The following NHSL1 variants were observed in gnomAD, a reference collection of about 807,000 sequenced individuals.
The protein encoded by NHSL1 is NHS-like protein 1.
NHSL1 carries 48 observed loss-of-function variants against 95.0 expected under a neutral mutation model. The observed-to-expected ratio is 0.51, with a 90% CI of 0.40 to 0.64. The LOEUF (loss-of-function observed/expected upper bound fraction) is 0.64, where lower values mean the gene tolerates loss of function less well. NHSL1 is among the 30% of genes least tolerant of loss of function. The probability of loss-of-function intolerance (pLI) is 0.00; values close to 1 mark genes in which losing one functional copy is unlikely to be tolerated. For missense variants in NHSL1, 1,971 were observed against 2,077.7 expected, an observed-to-expected ratio of 0.95 and a Z score of 1.00; for synonymous variants, 783 against 833.9, an observed-to-expected ratio of 0.94 and a Z score of 1.05.
At chr6:138,461,770 G>A (rs1429962644) in intron 3 of NHSL1, among the ~76,000 whole-genome samples, 1 of 152,188 alleles carries the variant, frequency 6.6e-6, no homozygotes, top group Admixed American at 6.5e-5. Flanking sequence ...GTAGAAATTT[G>A]AGGGGGATGA....
At chr6:138,602,930 C>A (rs1056737088) in intron 1 of NHSL1, among the ~76,000 whole-genome samples, 1 of 152,188 alleles carries the variant, frequency 6.6e-6, no homozygotes, top group Admixed American at 6.5e-5. Context: ...CCGGACAGTT[C>A]ATAAATCTAA....
intron 2 of NHSL1, among the ~76,000 whole-genome samples, chr6:138,489,951 AAGGAGAGAGGGAGAGGGGGAGAGG>A (rs1779970210): frequency 2.1e-5 from 1 of 47,852 alleles, no homozygotes; most frequent in Non-Finnish European, 3.7e-5. Flanking sequence ...AGAGGGAGAG[AAGGAGAGAGGGAGAGGGGGAGAGG>A]GGGAGAGGGG....
intron 1 of NHSL1, among the ~76,000 whole-genome samples, chr6:138,685,955 A>G (rs1301498784): frequency 6.6e-6 from 1 of 152,168 alleles, no homozygotes. Context: ...TCCACTTCAT[A>G]TAGTATTATC....
At chr6:138,668,559 T>C (rs1048956097) in intron 1 of NHSL1, among the ~76,000 whole-genome samples, 2 of 151,716 alleles carry the variant, frequency 1.3e-5, no homozygotes, top group Non-Finnish European at 2.9e-5. Context: ...TATCTGTCAA[T>C]TAAAAATGAA....
chr6:138,645,561 G>A (rs1785009300), intron 1 of NHSL1, among the ~76,000 whole-genome samples: 1 of 148,876 alleles, frequency 6.7e-6, no homozygotes, highest in South Asian at 2.1e-4. Flanking sequence ...AGGCTGGAGT[G>A]CAGCAGTGTG....
intron 5 of NHSL1, among the ~76,000 whole-genome samples, 162 bp downstream of exon 5, chr6:138,441,821 T>G (rs1338915260): frequency 1.3e-5 from 2 of 152,198 alleles, no homozygotes; most frequent in Non-Finnish European, 2.9e-5. Flanking sequence ...CCATGGGATG[T>G]TAAGATTTGC....
At chr6:138,649,573 C>T (rs902525142) in intron 1 of NHSL1, among the ~76,000 whole-genome samples, 2 of 152,042 alleles carry the variant, frequency 1.3e-5, no homozygotes, top group East Asian at 1.9e-4. Flanking sequence ...CACAACTGCA[C>T]AGGTAACCAG....
At chr6:138,483,106 G>A (rs529112453) in intron 2 of NHSL1, among the ~76,000 whole-genome samples, 130 of 152,326 alleles carry the variant, frequency 8.5e-4, no homozygotes, top group Admixed American at 1.4e-3. Flanking sequence ...CTAAAGAGAA[G>A]TAGAAATAAA....
chr6:138,603,879 G>A (rs1417130659), intron 1 of NHSL1, among the ~76,000 whole-genome samples: 1 of 152,162 alleles, frequency 6.6e-6, no homozygotes, highest in African/African-American at 2.4e-5. Context: ...GAGAGAATGT[G>A]TAAAACATAT....
chr6:138,449,295 G>A (rs570553718), intron 3 of NHSL1, among the ~76,000 whole-genome samples: 2 of 152,212 alleles, frequency 1.3e-5, no homozygotes, highest in South Asian at 4.1e-4. Flanking sequence ...TGTAAAATGG[G>A]GCTATACAGC....
chr6:138,608,647 A>T lies in NHSL1; in HGVS notation c.96+83829T>A, dbSNP rs190061790. On this transcript the variant is annotated intron_variant, in intron 1 of 3. Coordinates refer to the NHSL1 transcript ENST00000491526. ...TTTGTCCAGTTAACTTCCCATAAAGAAAATTCCTGATCAATGACTACTAAC... is the reference window on the plus strand; with the variant it reads ...TTTGTCCAGTTAACTTCCCATAAAGTAAATTCCTGATCAATGACTACTAAC... Among the ~76,000 whole-genome samples the T allele has an allele frequency of 1.9e-3, 283 of 152,340 alleles. 3 individuals are homozygous for T. Among genetic ancestry groups the T allele is most frequent in the East Asian group, 0.014 (71 of 5,186 alleles).
chr6:138,572,852 TAG>T (rs1362111396), upstream of NHSL1, among the ~76,000 whole-genome samples: 137 of 86,748 alleles, frequency 1.6e-3, 1 homozygote, highest in Middle Eastern at 6.0e-3. Context: ...ATACAGTAGA[TAG>T]ATAGATAGAT....
intron 1 of NHSL1, among the ~76,000 whole-genome samples, chr6:138,584,446 A>C (rs1784104205): frequency 6.6e-6 from 1 of 152,080 alleles, no homozygotes; most frequent in Non-Finnish European, 1.5e-5. Flanking sequence ...TGCACGGCCA[A>C]CTCTCCCGAC....
chr6:138,478,012 C>CTTTTTTTTTTTTTTTTT (rs71009589), intron 2 of NHSL1, among the ~76,000 whole-genome samples: 7 of 30,016 alleles, frequency 2.3e-4, no homozygotes, highest in African/African-American at 4.4e-4. Flanking sequence ...ATTTATGTCA[C>CTTTTTTTTTTTTTTTTT]TTTTTTTTTT....
intron 1 of NHSL1, among the ~76,000 whole-genome samples, chr6:138,645,535 T>A (rs897091837): frequency 2.0e-5 from 3 of 148,930 alleles, no homozygotes; most frequent in Admixed American, 1.4e-4. Flanking sequence ...TGGGACAGAG[T>A]CTTGCTCTGT....
chr6:138,593,046 C>G (rs1784254011), intron 1 of NHSL1, among the ~76,000 whole-genome samples: 1 of 152,210 alleles, frequency 6.6e-6, no homozygotes, highest in African/African-American at 2.4e-5. Flanking sequence ...TTAATGGAGC[C>G]TGGATGAATC....
chr6:138,478,627 A>G (rs1177497633), intron 2 of NHSL1, among the ~76,000 whole-genome samples: 1 of 152,228 alleles, frequency 6.6e-6, no homozygotes, highest in African/African-American at 2.4e-5. Context: ...TGAGAGAGTA[A>G]CTGCAAAGCA....
At chr6:138,568,830 CT>C (rs1312173511) in intron 1 of NHSL1, among the ~76,000 whole-genome samples, 1 of 152,296 alleles carries the variant, frequency 6.6e-6, no homozygotes, top group Middle Eastern at 3.4e-3. Context: ...AATTTTATCC[CT>C]AGTTTCTTGA....
chr6:138,607,009 G>A (rs969025454), intron 1 of NHSL1, among the ~76,000 whole-genome samples: 42 of 152,148 alleles, frequency 2.8e-4, no homozygotes, highest in African/African-American at 9.6e-4. Context: ...CGGCCCCCAT[G>A]CTACTTCTTT....
Sources: gnomAD v4.1 joint callset for allele counts (sites outside exome capture counted in the v4.1 genomes callset) on GRCh38, gnomAD v4.1.1 for gene constraint, MANE v1.5 for transcripts, NCBI Gene and HGNC (gene_info 2026-07-23, HGNC 2026-07-21) for gene names.